The following CAB39L variants were observed in gnomAD, a reference collection of about 807,000 sequenced individuals.
CAB39L encodes calcium-binding protein 39-like.
CAB39L carries 23 observed loss-of-function variants against 39.1 expected under a neutral mutation model. The observed-to-expected ratio is 0.59, with a 90% confidence interval of 0.42 to 0.83. The LOEUF is 0.83. Among genes scored for constraint, CAB39L ranks in the 40% least tolerant of loss-of-function variants. The pLI is 0.00. For missense variants in CAB39L, 366 were observed against 391.9 expected, an observed-to-expected ratio of 0.93 and a Z score of 0.56; for synonymous variants, 126 against 137.2, an observed-to-expected ratio of 0.92 and a Z score of 0.57.
At chr13:49,379,540 T>C (rs1403884332) in intron 4 of CAB39L, among the ~76,000 whole-genome samples, 3 of 47,788 alleles carry the variant, frequency 6.3e-5, no homozygotes, top group African/African-American at 1.5e-4. Flanking sequence ...TCTCAAGTAA[T>C]CAGGGACACA....
chr13:49,391,062 T>C (rs1279774011), intron 3 of CAB39L, among the ~76,000 whole-genome samples: 4 of 152,216 alleles, frequency 2.6e-5, no homozygotes, highest in African/African-American at 9.6e-5. Context: ...CAAGATACAC[T>C]GTGAAATTTC....
chr13:49,329,556 T>A (rs1363841740), intron 10 of CAB39L, among the ~76,000 whole-genome samples: 3,489 of 10,702 alleles, frequency 0.33, 485 homozygotes, highest in East Asian at 0.65. Context: ...TATATATATA[T>A]ATATATATAT....
At chr13:49,443,479 G>C (rs143487152) in intron 1 of CAB39L, among the ~76,000 whole-genome samples, 1 of 152,074 alleles carries the variant, frequency 6.6e-6, no homozygotes, top group African/African-American at 2.4e-5. Context: ...TTTAGCAGCC[G>C]CTCCCTCGAA....
intron 10 of CAB39L, among the ~76,000 whole-genome samples, chr13:49,325,343 T>C (rs1426890313): frequency 6.6e-6 from 1 of 152,272 alleles, no homozygotes; most frequent in East Asian, 1.9e-4. Context: ...GAAGTTGGTA[T>C]ACTTTTCAAT....
chr13:49,347,014 TAGG>T (rs1464655411), intron 7 of CAB39L, among the ~76,000 whole-genome samples: 1 of 151,974 alleles, frequency 6.6e-6, no homozygotes, highest in Non-Finnish European at 1.5e-5. Flanking sequence ...CCAAAAAGAT[TAGG>T]AGGTTATAAA....
intron 1 of CAB39L, among the ~76,000 whole-genome samples, chr13:49,434,586 G>A (rs752738765): frequency 1.3e-5 from 2 of 152,064 alleles, no homozygotes; most frequent in Admixed American, 1.3e-4. Context: ...TAGGCCAGGT[G>A]TACTGGCTCA....
chr13:49,438,612 TTTC>T (rs975618250), intron 1 of CAB39L, among the ~76,000 whole-genome samples: 1 of 152,244 alleles, frequency 6.6e-6, no homozygotes, highest in Non-Finnish European at 1.5e-5. Flanking sequence ...GAATAAATAC[TTTC>T]TTAATATCTG....
At chr13:49,353,324 T>G (rs1362619392) in intron 6 of CAB39L, among the ~76,000 whole-genome samples, 1 of 152,200 alleles carries the variant, frequency 6.6e-6, no homozygotes, top group Non-Finnish European at 1.5e-5. Context: ...AGAAAAGCAC[T>G]GTCATTTATT....
At chr13:49,435,792 C>T (rs752869665) in intron 1 of CAB39L, among the ~76,000 whole-genome samples, 1 of 152,168 alleles carries the variant, frequency 6.6e-6, no homozygotes, top group African/African-American at 2.4e-5. Flanking sequence ...TGAGCCACCA[C>T]GCCCAGTCTG....
intron 10 of CAB39L, among the ~76,000 whole-genome samples, chr13:49,329,504 C>T (rs2138382112): frequency 7.2e-6 from 1 of 139,246 alleles, no homozygotes; most frequent in Non-Finnish European, 1.5e-5. Context: ...TGCCCCTTTC[C>T]CCATACCTTG....
intron 9 of CAB39L, among the ~76,000 whole-genome samples, chr13:49,338,201 C>T (rs1012948899): frequency 3.3e-5 from 5 of 151,900 alleles, no homozygotes; most frequent in Admixed American, 2.6e-4. Flanking sequence ...CACATGCACA[C>T]GTATGTTTAC....
Position 49,344,199 on chromosome 13 carries a change from A to G in CAB39L, c.604T>C (p.Leu202=), listed in dbSNP as rs1955080386. 2 of 1,600,648 alleles carry G rather than the reference A, an allele frequency of 1.2e-6. No individual in the cohort carries two copies. The highest frequency in any genetic ancestry group is 4.5e-5 in the East Asian group (2 of 44,776). ...TRHKVLVADF[L]EQNYDTIFED... is the part of the protein sequence containing the mutation. ...CTTACAGTGTCGTAATTTTGTTCTA[A>G]GAAGTCTGCTACCAACACTTTATGT... Residue 202 remains leucine, a synonymous_variant, in exon 8 of 11, where the codon TTA becomes CTA. Coordinates refer to ENST00000409308, the MANE Select transcript of CAB39L (RefSeq NM_001079670.3).
intron 9 of CAB39L, among the ~76,000 whole-genome samples, chr13:49,338,821 T>G (rs908098671): frequency 6.6e-6 from 1 of 152,240 alleles, no homozygotes; most frequent in Non-Finnish European, 1.5e-5. Flanking sequence ...AAATATCATG[T>G]GAACATGTCA....
chr13:49,411,401 C>A (rs1284409276), intron 3 of CAB39L, among the ~76,000 whole-genome samples: 1 of 142,928 alleles, frequency 7.0e-6, no homozygotes, highest in Non-Finnish European at 1.5e-5. Flanking sequence ...CAGAGAGAGA[C>A]TCTCCTGAGA....
chr13:49,334,242 A>G (rs1408573629), intron 9 of CAB39L, among the ~76,000 whole-genome samples: 1 of 152,208 alleles, frequency 6.6e-6, no homozygotes, highest in Non-Finnish European at 1.5e-5. Context: ...ACATTTTGTC[A>G]AAGAAATCTT....
At chr13:49,388,870 G>C (rs1956426960) in intron 3 of CAB39L, among the ~76,000 whole-genome samples, 1 of 152,118 alleles carries the variant, frequency 6.6e-6, no homozygotes, top group Non-Finnish European at 1.5e-5. Flanking sequence ...TAAAAGAAAA[G>C]GAAGAAAACC....
At chr13:49,414,959 C>T (rs4362289) in intron 3 of CAB39L, among the ~76,000 whole-genome samples, 82,600 of 151,506 alleles carry the variant, frequency 0.55, 22,594 homozygotes, top group South Asian at 0.64. Flanking sequence ...TTTGGGAGGC[C>T]GAGGTGGAGG....
At chr13:49,365,767 C>T (rs9535211) in intron 5 of CAB39L, among the ~76,000 whole-genome samples, 38,536 of 151,966 alleles carry the variant, frequency 0.25, 5,190 homozygotes, top group East Asian at 0.5. Flanking sequence ...AATAGAGATA[C>T]CATATGATTT....
intron 7 of CAB39L, among the ~76,000 whole-genome samples, chr13:49,349,889 A>G (rs1955293225): frequency 6.6e-6 from 1 of 152,214 alleles, no homozygotes; most frequent in Non-Finnish European, 1.5e-5. Flanking sequence ...TCTAAAATAG[A>G]AATCTCGAAT....
Sources: gnomAD v4.1 joint callset for allele counts (sites outside exome capture counted in the v4.1 genomes callset) on GRCh38, gnomAD v4.1.1 for gene constraint, MANE v1.5 for transcripts, NCBI Gene and HGNC (gene_info 2026-07-23, HGNC 2026-07-21) for gene names.